Variants in ANAPC1 observed in about 807,000 individuals in gnomAD.
ANAPC1 encodes anaphase promoting complex subunit 1.
ANAPC1 carries 36 observed loss-of-function variants against 208.0 expected under a neutral mutation model. That is an observed-to-expected ratio of 0.17 (90% CI 0.13 to 0.23). ANAPC1 has a LOEUF of 0.23. ANAPC1 is among the 10% of genes least tolerant of loss of function. The probability of loss-of-function intolerance (pLI) is 1.00; values close to 1 mark genes in which losing one functional copy is unlikely to be tolerated. For synonymous variants in ANAPC1, 378 were observed against 695.2 expected (o/e 0.54, Z 7.18); for missense variants, 942 against 2,011.6 (o/e 0.47, Z 10.17).
At chr2:111,882,102 T>TG (rs1683328634) in intron 1 of ANAPC1, among the ~76,000 whole-genome samples, 1 of 151,662 alleles carries the variant, frequency 6.6e-6, no homozygotes, top group African/African-American at 2.4e-5. Context: ...GAGAATGGCG[T>TG]GAACCCAGGA....
At chr2:111,767,464 C>T (rs1240172402), downstream of ANAPC1, among the ~76,000 whole-genome samples, 1 of 152,124 alleles carries the variant, frequency 6.6e-6, no homozygotes, top group Non-Finnish European at 1.5e-5. Flanking sequence ...CAAGGGCTGA[C>T]TTCCCAGCCT....
chr2:111,881,012 T>C (rs1683270869), intron 1 of ANAPC1, 163 bp from the exon 2 acceptor site: 2 of 606,630 alleles, frequency 3.3e-6, no homozygotes, highest in Admixed American at 3.1e-5. Context: ...CTAGATCTGA[T>C]TCAGACAGTT....
At chr2:111,823,295 G>A (rs897795200) in intron 24 of ANAPC1, among the ~76,000 whole-genome samples, 5 of 151,856 alleles carry the variant, frequency 3.3e-5, no homozygotes, top group African/African-American at 1.2e-4. Context: ...GGCATTACAG[G>A]CATGAGCCAC....
Position 111,825,111 on chromosome 2 carries a change from A to G in ANAPC1, c.2741+20T>C. On this transcript the variant is annotated intron_variant, in intron 23 of 47. Coordinates refer to ENST00000341068, the MANE Select transcript of ANAPC1 (RefSeq NM_022662.4). ...TGTTTTAAGTGTTTGACATAAAAGC[A>G]CAGTCTAAATAAAAGTCACCTGTTT... The G allele has an allele frequency of 6.2e-7, 1 of 1,613,954 alleles. No homozygotes were observed. The highest frequency in any genetic ancestry group is 8.5e-7 in the Non-Finnish European group (1 of 1,179,872).
chr2:111,775,239 C>T (rs1676943109), intron 46 of ANAPC1, among the ~76,000 whole-genome samples: 1 of 152,164 alleles, frequency 6.6e-6, no homozygotes, highest in Non-Finnish European at 1.5e-5. Flanking sequence ...GCACTCCACC[C>T]TGGCGACAGA....
chr2:111,877,707 C>G (rs1275393900), intron 3 of ANAPC1, among the ~76,000 whole-genome samples: 1 of 152,084 alleles, frequency 6.6e-6, no homozygotes, highest in African/African-American at 2.4e-5. Context: ...TGGCATGAAC[C>G]TGGGAGGCAG....
intron 6 of ANAPC1, among the ~76,000 whole-genome samples, chr2:111,870,101 T>G (rs1296207474): frequency 6.6e-6 from 1 of 152,266 alleles, no homozygotes; most frequent in East Asian, 1.9e-4. Flanking sequence ...ATACATTTTC[T>G]TTATTCACTC....
chr2:111,873,723 C>A lies in ANAPC1; in HGVS notation c.376-59G>T, dbSNP rs1441981257. The A allele has an allele frequency of 2.0e-6, 3 of 1,470,060 alleles. No homozygotes were observed. The South Asian group carries it at 4.2e-5, about 21-fold the overall frequency. The allele number at this position is 1,470,060 out of a possible 1,614,324, so 91.1% of individuals were successfully genotyped here. Reference sequence around the variant, plus strand: ...TTATATCTAAATAATCATCTATTAACTAATGGCATCTAAATAATAATAATA... The same window carrying A: ...TTATATCTAAATAATCATCTATTAAATAATGGCATCTAAATAATAATAATA... On this transcript the variant is annotated intron_variant, in intron 3 of 47. Transcript: ENST00000341068.
intron 33 of ANAPC1, 96 bp from the exon 34 acceptor site, chr2:111,800,967 T>C (rs1678410380): frequency 1.7e-6 from 1 of 593,674 alleles, no homozygotes; most frequent in African/African-American, 1.9e-5. Flanking sequence ...TAAGAATCAG[T>C]TCCCAACTGT....
chr2:111,870,231 C>T (rs1682672319), intron 6 of ANAPC1, among the ~76,000 whole-genome samples: 1 of 152,192 alleles, frequency 6.6e-6, no homozygotes, highest in African/African-American at 2.4e-5. Flanking sequence ...TGGGTAGATA[C>T]CCAGTAATGG....
At chr2:111,840,035 ATG>A (rs1381820544) in intron 17 of ANAPC1, among the ~76,000 whole-genome samples, 1 of 152,192 alleles carries the variant, frequency 6.6e-6, no homozygotes, top group Non-Finnish European at 1.5e-5. Context: ...TCTGGGGTAT[ATG>A]TGAGAAACCT....
chr2:111,854,831 A>G (rs1252248173), intron 13 of ANAPC1, among the ~76,000 whole-genome samples: 1 of 152,184 alleles, frequency 6.6e-6, no homozygotes, highest in Non-Finnish European at 1.5e-5. Flanking sequence ...TCCAGACACT[A>G]AAACTTTCTT....
chr2:111,881,615 A>C (rs1683302032), intron 1 of ANAPC1, among the ~76,000 whole-genome samples: 1 of 152,240 alleles, frequency 6.6e-6, no homozygotes, highest in African/African-American at 2.4e-5. Context: ...TAAAGCCTTC[A>C]TCACAAGGTT....
chr2:111,825,790 G>T lies in ANAPC1; in HGVS notation c.2691C>A (p.Thr897=). The change falls in exon 22 of 48, where the codon ACC becomes ACA. Residue 897 remains threonine, a synonymous_variant. Coordinates refer to ENST00000341068, the MANE Select transcript of ANAPC1 (RefSeq NM_022662.4). ...GCACCAACTTACCTATAGTTATTCT[G>T]GTTAAATACTGTGAGGATTCATCAG... ...LVSDESSQYL[T]RITIAPQKLQ... is the part of the protein sequence containing the mutation. 1.2e-6 allele frequency: 2 copies of T among 1,613,580 alleles called. No homozygotes were observed. Among genetic ancestry groups the T allele is most frequent in the South Asian group, 2.2e-5 (2 of 91,052 alleles).
chr2:111,832,098 G>C (rs1680172559), intron 20 of ANAPC1, among the ~76,000 whole-genome samples: 1 of 148,782 alleles, frequency 6.7e-6, no homozygotes, highest in Non-Finnish European at 1.5e-5. Flanking sequence ...TTCAAGGCCA[G>C]CCTGGCCAAC....
At chr2:111,835,566 C>CA (rs1191026728) in intron 18 of ANAPC1, among the ~76,000 whole-genome samples, 36 of 152,176 alleles carry the variant, frequency 2.4e-4, no homozygotes, top group African/African-American at 8.0e-4. Flanking sequence ...GGGCCGGGTG[C>CA]AGTGGCTCAT....
At chr2:111,835,376 TATTCA>T (rs1345318872) in intron 18 of ANAPC1, among the ~76,000 whole-genome samples, 20 of 152,240 alleles carry the variant, frequency 1.3e-4, no homozygotes, top group Admixed American at 1.3e-3. Context: ...ATTTTCCAAA[TATTCA>T]AGTCTATTTT....
In ANAPC1 at chr2:111,802,916, T is replaced by C. The variant is rs574603933; in HGVS notation, c.4143-410A>G. ...TAATTAATAGACTAAAGACATGGCATAACGTCTTGTACTCAACTTATTCCT... is the reference window on the plus strand; with the variant it reads ...TAATTAATAGACTAAAGACATGGCACAACGTCTTGTACTCAACTTATTCCT... On this transcript the variant is annotated intron_variant, in intron 32 of 47. Transcript: ENST00000341068. The C allele has an allele frequency of 6.6e-4, 156 of 236,538 alleles. 8 individuals carry two copies. The highest frequency in any genetic ancestry group is 9.5e-4 in the Non-Finnish European group (120 of 126,698). 14.7% of individuals were successfully genotyped at this position (236,538 alleles called of 1,614,324 possible). A position where few individuals can be genotyped will look rare whatever the true frequency, so the allele number is the denominator to read the frequency against.
rs540480079 is a variant in ANAPC1 at position 111,841,379 on chromosome 2, C to T, written c.2040+2033G>A. On this transcript the variant is annotated intron_variant, in intron 17 of 47. Coordinates refer to ENST00000341068, the MANE Select transcript of ANAPC1 (RefSeq NM_022662.4). Reference sequence around the variant, plus strand: ...TTAATTAAGTGAGAAGAAAAAAAAACAGGTAAATGGCACTAAAGGTATGGA... The same window carrying T: ...TTAATTAAGTGAGAAGAAAAAAAAATAGGTAAATGGCACTAAAGGTATGGA... Among the ~76,000 whole-genome samples the T allele has an allele frequency of 4.1e-5, 6 of 146,564 alleles. No individual in the cohort carries two copies. In the East Asian group the frequency reaches 1.2e-3, roughly 29 times the overall value.
Sources: gnomAD v4.1 joint callset for allele counts (sites outside exome capture counted in the v4.1 genomes callset) on GRCh38, gnomAD v4.1.1 for gene constraint, MANE v1.5 for transcripts, NCBI Gene and HGNC (gene_info 2026-07-23, HGNC 2026-07-21) for gene names.